DIDO1: variants seen among roughly 807,000 people sequenced by gnomAD.
DIDO1 encodes death inducer-obliterator 1.
In DIDO1, 16 loss-of-function variants were observed where a neutral mutation model predicts 99.4. The observed-to-expected ratio is 0.16, with a 90% confidence interval of 0.11 to 0.24. DIDO1 has a LOEUF of 0.24. Ranked by LOEUF, DIDO1 falls within the 10% of genes least tolerant of loss-of-function variation. The pLI is 1.00. For missense variants in DIDO1, 2,996 were observed against 3,014.0 expected (o/e 0.99, Z 0.14); for synonymous variants, 1,366 against 1,239.1 (o/e 1.10, Z -2.15).
chr20:62,889,900 A>G, intron 15 of DIDO1: 1 of 985,490 alleles, frequency 1.0e-6, no homozygotes, highest in Non-Finnish European at 1.2e-6. Flanking sequence ...ATAATTCCAC[A>G]ACACAGGCAT....
Position 62,878,412 on chromosome 20 carries a change from C to T in DIDO1, c.*821G>A, listed in dbSNP as rs1600890857. On this transcript the variant is annotated 3_prime_UTR_variant, in exon 16 of 16. Coordinates refer to ENST00000395343, the MANE Select transcript of DIDO1 (RefSeq NM_001193369.2). ...CGTCTGACAAATACCAGTTTGGGGC[C>T]GAGCGTACTTTTCCCGGGATACAGA... 1 of 152,176 alleles carries T rather than the reference C, an allele frequency of 6.6e-6. No homozygotes were observed. 9.4% of individuals were successfully genotyped at this position (152,176 alleles called of 1,614,324 possible). A position where few individuals can be genotyped will look rare whatever the true frequency, so the allele number is the denominator to read the frequency against.
chr20:62,905,172 C>T (rs953940916), intron 6 of DIDO1: 6 of 1,059,862 alleles, frequency 5.7e-6, no homozygotes, highest in African/African-American at 4.9e-5. Flanking sequence ...GAGACGAGGG[C>T]AAGAAAGCCA....
Position 62,881,186 on chromosome 20 carries a change from C to T in DIDO1, c.4770G>A (p.Leu1590=), listed in dbSNP as rs367593255. The T allele has an allele frequency of 1.2e-4, 195 of 1,607,994 alleles. No individual in the cohort carries two copies. In the African/African-American group the frequency reaches 2.2e-3, roughly 18 times the overall value. The change falls in exon 16 of 16, where the codon CTG becomes CTA. Residue 1590 remains leucine (L), a synonymous_variant. Coordinates refer to ENST00000395343, the MANE Select transcript of DIDO1 (RefSeq NM_001193369.2). This position sits in a 1 kb window ranked among gnomAD's most constrained non-coding sequence, Gnocchi z 8.3. The part of the protein sequence containing the change: ...RLSARGAQGA[L]PERDASRGGL... ...CACCCCTGGAAGCATCTCTCTCGGG[C>T]AGGGCACCCTGGGCACCACGTGCCG...
At chr20:62,926,002 G>A (rs1009859773) in intron 1 of DIDO1, among the ~76,000 whole-genome samples, 3 of 152,108 alleles carry the variant, frequency 2.0e-5, no homozygotes, top group Non-Finnish European at 4.4e-5. Flanking sequence ...AGGAAGCGCC[G>A]AGGTCCCCGA....
At chr20:62,935,856 G>C (rs1291068527) in intron 1 of DIDO1, among the ~76,000 whole-genome samples, 1 of 152,212 alleles carries the variant, frequency 6.6e-6, no homozygotes, top group Non-Finnish European at 1.5e-5. Flanking sequence ...AGACATCCTG[G>C]CAATCCAAAA....
In DIDO1 at chr20:62,910,965, C is replaced by T; in HGVS notation, c.648G>A (p.Lys216=). ...SDTVEGVLPS[K]QEPENDQGVV... ...CCCCCTGATCGTTCTCGGGCTCCTGCTTACTGGGCAGGACGCCCTCCACAG... is the reference window on the plus strand; with the variant it reads ...CCCCCTGATCGTTCTCGGGCTCCTGTTTACTGGGCAGGACGCCCTCCACAG... The change falls in exon 3 of 16, where the codon AAG becomes AAA. Residue 216 remains lysine (K), a synonymous_variant. Coordinates refer to ENST00000395343, the MANE Select transcript of DIDO1 (RefSeq NM_001193369.2). 6.2e-7 allele frequency: 1 copy of T among 1,614,184 alleles called. No homozygotes were observed. Among genetic ancestry groups the T allele is most frequent in the Middle Eastern group, 1.6e-4 (1 of 6,062 alleles).
chr20:62,916,667 T>C (rs1299937032), intron 1 of DIDO1, among the ~76,000 whole-genome samples: 1 of 152,222 alleles, frequency 6.6e-6, no homozygotes, highest in Non-Finnish European at 1.5e-5. Context: ...TCCATGTTCA[T>C]GTCTACTTCT....
At position 62,893,036 on chromosome 20, in the gene DIDO1, T is replaced by A. The variant is rs2064433225; in HGVS notation, c.3102-74A>T. On this transcript the variant is annotated intron_variant, in intron 12 of 15. Transcript: ENST00000395343. ...AGAATTTCAAAAGTAGAAAGCCTTT[T>A]TTTTTTTTGAGACAGGATCTCATTC... 2.0e-6 allele frequency: 3 copies of A among 1,491,112 alleles called. No individual in the cohort carries two copies. The African/African-American group carries it at 4.2e-5, about 21-fold the overall frequency. 92.4% of individuals were successfully genotyped at this position (1,491,112 alleles called of 1,614,324 possible).
intron 1 of DIDO1, among the ~76,000 whole-genome samples, chr20:62,935,366 CA>C (rs2065371999): frequency 6.6e-6 from 1 of 152,144 alleles, no homozygotes; most frequent in Non-Finnish European, 1.5e-5. Flanking sequence ...ACGATTTAGC[CA>C]TAATCAACTC....
intron 1 of DIDO1, chr20:62,937,729 C>T (rs959540779): frequency 1.1e-4 from 42 of 397,028 alleles, no homozygotes; most frequent in Non-Finnish European, 1.3e-4. Flanking sequence ...CGGCCGCGGA[C>T]ACCCGGCGCC....
intron 15 of DIDO1, 90 bp from the exon 16 acceptor site, chr20:62,882,504 A>G: frequency 7.9e-7 from 1 of 1,271,124 alleles, no homozygotes; most frequent in Non-Finnish European, 1.1e-6. Flanking sequence ...TTCACGGGGA[A>G]CGTTTAATAG....
At chr20:62,918,500 C>G (rs2065078073) in intron 1 of DIDO1, among the ~76,000 whole-genome samples, 1 of 152,232 alleles carries the variant, frequency 6.6e-6, no homozygotes, top group East Asian at 1.9e-4. Context: ...CTCCAAGACA[C>G]TTTAAAATAT....
At chr20:62,922,149 C>T (rs1030575973) in intron 1 of DIDO1, among the ~76,000 whole-genome samples, 27 of 150,010 alleles carry the variant, frequency 1.8e-4, no homozygotes, top group African/African-American at 6.6e-4. Flanking sequence ...TACACACACA[C>T]ACACACAAAC....
At chr20:62,895,193 AAAT>A (rs2064491015) in intron 8 of DIDO1, 28 bp from the exon 9 acceptor site, 1 of 1,564,532 alleles carries the variant, frequency 6.4e-7, no homozygotes, top group African/African-American at 1.4e-5. Flanking sequence ...TCATTTACTC[AAAT>A]AATATTCCTA....
chr20:62,934,812 C>T (rs930835395), intron 1 of DIDO1, among the ~76,000 whole-genome samples: 4 of 152,192 alleles, frequency 2.6e-5, no homozygotes, highest in Non-Finnish European at 5.9e-5. Flanking sequence ...CATAGCTTCT[C>T]GAAACTGGAC....
chr20:62,936,060 G>A (rs564894318), intron 1 of DIDO1, among the ~76,000 whole-genome samples: 1 of 152,326 alleles, frequency 6.6e-6, no homozygotes, highest in East Asian at 1.9e-4. Context: ...GTTAAGGAAT[G>A]TCGCCTTAAG....
At chr20:62,932,535 AAATAGTACATAAACAATG>A (rs2065342212) in intron 1 of DIDO1, among the ~76,000 whole-genome samples, 1 of 152,242 alleles carries the variant, frequency 6.6e-6, no homozygotes, top group Non-Finnish European at 1.5e-5. Flanking sequence ...AACTCAAATG[AAATAGTACATAAACAATG>A]CTTTGACCAT....
upstream of DIDO1, among the ~76,000 whole-genome samples, chr20:62,930,234 A>G (rs2065319333): frequency 6.6e-6 from 1 of 150,982 alleles, no homozygotes; most frequent in South Asian, 2.1e-4. Context: ...AAAAAAAAAC[A>G]CAGATCTTTG....
chr20:62,880,275 C>G lies in DIDO1; in HGVS notation c.5681G>C (p.Arg1894Thr), dbSNP rs768523876. ...GCCTTTCAGCTGAGACAGCAGTGGC[C>G]TTCTCTGGCCTCCGAACTGGAAAGG... ...GAPFQFGGQRRPLLSQLKGPR... is the reference protein window; with the variant it reads ...GAPFQFGGQRTPLLSQLKGPR... Residue 1894 changes from arginine to threonine, a missense_variant, in exon 16 of 16, where the codon AGG becomes ACG. Physicochemically the swap from Arg to Thr is moderately conservative, Grantham distance 71 (BLOSUM62 -1). Around this residue, in one of 5 missense-constraint regions of DIDO1, gnomAD observed 1,562 missense variants for 1,412.6 expected, o/e 1.11. Coordinates refer to ENST00000395343, the MANE Select transcript of DIDO1 (RefSeq NM_001193369.2). 1.3e-5 allele frequency: 21 copies of G among 1,612,626 alleles called. No homozygotes were observed. Among genetic ancestry groups the G allele is most frequent in the Non-Finnish European group, 1.8e-5 (21 of 1,179,964 alleles).
Sources: allele counts gnomAD v4.1 joint callset (sites outside exome capture counted in the v4.1 genomes callset), GRCh38; gene constraint gnomAD v4.1.1; regional missense constraint gnomAD v4.1.1; non-coding constraint Gnocchi (gnomAD v3.1); transcripts MANE v1.5; gene names NCBI Gene and HGNC (gene_info 2026-07-23, HGNC 2026-07-21).